Variants in CSMD1 observed in about 807,000 individuals in gnomAD.
The protein encoded by CSMD1 is CUB and sushi domain-containing protein 1.
In CSMD1, 213 loss-of-function variants were observed where a neutral mutation model predicts 417.5. The ratio of observed to expected loss-of-function variants is 0.51; its 90% CI spans 0.46 to 0.57. The LOEUF is 0.57. CSMD1 is among the 20% of genes least tolerant of loss of function. The probability of loss-of-function intolerance (pLI) is 0.00; values close to 1 mark genes in which losing one functional copy is unlikely to be tolerated. For synonymous variants in CSMD1, 2,862 were observed against 1,736.8 expected, an observed-to-expected ratio of 1.65 and a Z score of -16.11; for missense variants, 6,923 against 4,529.7, an observed-to-expected ratio of 1.53 and a Z score of -15.17.
At chr8:4,108,605 A>T (rs1221529681) in intron 3 of CSMD1, among the ~76,000 whole-genome samples, 15 of 152,354 alleles carry the variant, frequency 9.8e-5, no homozygotes, top group Admixed American at 7.2e-4. Context: ...GCAACAGCAC[A>T]GGTTCCCGGC....
At chr8:4,924,721 T>TGAA (rs1563779776) in intron 1 of CSMD1, among the ~76,000 whole-genome samples, 1 of 4,416 alleles carries the variant, frequency 2.3e-4, no homozygotes, top group African/African-American at 3.7e-4. Flanking sequence ...AAACTCCATC[T>TGAA]CAAAAAAAAA....
intron 52 of CSMD1, among the ~76,000 whole-genome samples, chr8:3,012,186 A>C (rs1451104379): frequency 6.6e-6 from 1 of 152,250 alleles, no homozygotes; most frequent in African/African-American, 2.4e-5. Flanking sequence ...AAATCTATTT[A>C]CAATGATATT....
intron 2 of CSMD1, among the ~76,000 whole-genome samples, chr8:4,429,888 C>G (rs900079786): frequency 6.6e-6 from 1 of 152,098 alleles, no homozygotes; most frequent in Non-Finnish European, 1.5e-5. Context: ...ATCCTCTCCT[C>G]CATTTTTGGC....
At chr8:4,089,032 G>C (rs111963359) in intron 3 of CSMD1, among the ~76,000 whole-genome samples, 1 of 152,118 alleles carries the variant, frequency 6.6e-6, no homozygotes, top group African/African-American at 2.4e-5. Flanking sequence ...ACTTATTCTT[G>C]TAGAGAATGA....
At chr8:4,510,312 C>T (rs1802743998) in intron 2 of CSMD1, among the ~76,000 whole-genome samples, 1 of 136,120 alleles carries the variant, frequency 7.3e-6, no homozygotes, top group South Asian at 2.4e-4. Context: ...GACTGTTACA[C>T]ACTACAACTA....
At chr8:3,397,619 AACT>A in intron 16 of CSMD1, among the ~76,000 whole-genome samples, 1 of 152,296 alleles carries the variant, frequency 6.6e-6, no homozygotes, top group South Asian at 2.1e-4. Context: ...TTTTTCTTAA[AACT>A]GATTTCTCAG....
At chr8:2,977,017 C>T (rs558628249) in intron 55 of CSMD1, among the ~76,000 whole-genome samples, 1 of 150,464 alleles carries the variant, frequency 6.6e-6, no homozygotes, top group South Asian at 2.1e-4. Context: ...AGATTCAATT[C>T]ACAAGCCAAT....
chr8:3,885,680 G>T (rs779086617), intron 5 of CSMD1, among the ~76,000 whole-genome samples: 32 of 151,982 alleles, frequency 2.1e-4, no homozygotes, highest in Non-Finnish European at 3.5e-4. Context: ...TCTTTCTCAA[G>T]CTCACAGAAA....
chr8:4,019,395 C>A (rs529369869), intron 4 of CSMD1, among the ~76,000 whole-genome samples: 1 of 152,286 alleles, frequency 6.6e-6, no homozygotes, highest in East Asian at 1.9e-4. Context: ...AAGCATACTA[C>A]CAAGTCTGCT....
intron 1 of CSMD1, among the ~76,000 whole-genome samples, chr8:4,820,553 G>C (rs899195361): frequency 6.6e-6 from 1 of 152,142 alleles, no homozygotes; most frequent in Non-Finnish European, 1.5e-5. Flanking sequence ...AATGATCCAA[G>C]TGAAGAAAAA....
rs76501299 is a variant in CSMD1, at chr8:4,805,054, C to A, written c.86-167496G>T. On this transcript the variant is annotated intron_variant, in intron 1 of 69. Transcript: ENST00000635120. ...GAAAACAAACTTTGTAATGGAGCAG[C>A]TCCAATTTGGAGTTTCAAGTACCCA... Among the ~76,000 whole-genome samples the A allele has an allele frequency of 9.3e-3, 1,414 of 152,234 alleles. 25 individuals are homozygous for A. The highest frequency in any genetic ancestry group is 0.033 in the African/African-American group (1,365 of 41,538).
intron 7 of CSMD1, among the ~76,000 whole-genome samples, chr8:3,686,563 T>C (rs1461365081): frequency 6.6e-6 from 1 of 152,174 alleles, no homozygotes; most frequent in East Asian, 1.9e-4. Flanking sequence ...CCATACGAAA[T>C]ATACTGTCTT....
intron 4 of CSMD1, among the ~76,000 whole-genome samples, chr8:4,021,945 T>G (rs950356136): frequency 6.6e-6 from 1 of 151,936 alleles, no homozygotes; most frequent in African/African-American, 2.4e-5. Flanking sequence ...GATCTTTATT[T>G]TTTTCAACTA....
In CSMD1 at chr8:3,230,095, G is replaced by C. The variant is rs2116904984; in HGVS notation, c.4290C>G (p.Thr1430=). 2 of 1,613,592 alleles carry C rather than the reference G, an allele frequency of 1.2e-6. No individual in the cohort carries two copies. ...GYQLQGQAKI[T]CVQLNNRFFW... ...AGAACCGGTTATTCAGCTGCACACA[G>C]GTGATTTTGGCTTGTCCTTGGAGCT... The change falls in exon 27 of 70, where the codon ACC becomes ACG. Residue 1430 remains threonine, a synonymous_variant. Transcript: ENST00000635120.
intron 3 of CSMD1, among the ~76,000 whole-genome samples, chr8:4,186,766 C>A (rs1798702062): frequency 6.6e-6 from 1 of 151,526 alleles, no homozygotes; most frequent in South Asian, 2.1e-4. Flanking sequence ...GCGGGTGGAT[C>A]ACTTGAGGTC....
chr8:4,555,390 G>A (rs1434223459), intron 2 of CSMD1, among the ~76,000 whole-genome samples: 1 of 152,092 alleles, frequency 6.6e-6, no homozygotes, highest in Non-Finnish European at 1.5e-5. Flanking sequence ...TGGGCCATTT[G>A]GGTTTCCTCT....
intron 25 of CSMD1, among the ~76,000 whole-genome samples, chr8:3,293,338 C>A (rs192514912): frequency 6.6e-6 from 1 of 151,936 alleles, no homozygotes; most frequent in African/African-American, 2.4e-5. Flanking sequence ...ATCTTTGTGG[C>A]GTTCTCTGGA....
chr8:3,494,554 T>TGATAGATAGGTA (rs1202224581), intron 10 of CSMD1, among the ~76,000 whole-genome samples: 14 of 145,634 alleles, frequency 9.6e-5, no homozygotes, highest in African/African-American at 3.1e-4. Flanking sequence ...ACAGATTAGA[T>TGATAGATAGGTA]GATAGATAGA....
At chr8:3,025,769 T>C (rs566969406) in intron 51 of CSMD1, among the ~76,000 whole-genome samples, 2 of 152,346 alleles carry the variant, frequency 1.3e-5, no homozygotes, top group East Asian at 1.9e-4. Context: ...ACATTAATTT[T>C]TGCTTTGTTT....
Sources: allele counts gnomAD v4.1 joint callset (sites outside exome capture counted in the v4.1 genomes callset), GRCh38; gene constraint gnomAD v4.1.1; transcripts MANE v1.5; gene names NCBI Gene and HGNC (gene_info 2026-07-23, HGNC 2026-07-21).